MED17: variants seen among roughly 807,000 people sequenced by gnomAD.
MED17 encodes the protein mediator of RNA polymerase II transcription subunit 17.
Under a neutral mutation model 80.8 loss-of-function variants are expected in MED17, and 49 were observed. The ratio of observed to expected loss-of-function variants is 0.61; its 90% CI spans 0.48 to 0.77. MED17 has a LOEUF of 0.77. Ranked by LOEUF, MED17 falls within the 30% of genes least tolerant of loss-of-function variation. MED17 has a pLI of 0.00. For synonymous variants in MED17, 281 were observed against 280.4 expected (o/e 1.00, Z -0.02); for missense variants, 718 against 787.0 (o/e 0.91, Z 1.05).
At chr11:93,804,015 A>ACGTGTGTATATATG (rs1943995852) in intron 9 of MED17, among the ~76,000 whole-genome samples, 2 of 22,978 alleles carry the variant, frequency 8.7e-5, no homozygotes, top group Non-Finnish European at 2.5e-4. Flanking sequence ...ATATATATAT[A>ACGTGTGTATATATG]TATATATATA....
At chr11:93,796,160 C>T in intron 6 of MED17, 2 of 427,634 alleles carry the variant, frequency 4.7e-6, no homozygotes, top group South Asian at 4.2e-5. Flanking sequence ...ACTATGTTGG[C>T]CAGGATGGTC....
At chr11:93,792,881 C>T (rs748227907) in intron 3 of MED17, among the ~76,000 whole-genome samples, 4 of 152,000 alleles carry the variant, frequency 2.6e-5, no homozygotes, top group African/African-American at 7.3e-5. Flanking sequence ...TTTGAGGCTG[C>T]AGTGAGCTAT....
At chr11:93,809,181 A>G in intron 10 of MED17, 2 of 213,130 alleles carry the variant, frequency 9.4e-6, no homozygotes, top group South Asian at 8.3e-5. Context: ...CGTGTAGAAC[A>G]GTCCATCTTG....
intron 1 of MED17, 75 bp downstream of exon 1, chr11:93,784,838 A>G (rs890355393): frequency 1.3e-6 from 2 of 1,518,470 alleles, no homozygotes; most frequent in Non-Finnish European, 1.8e-6. Flanking sequence ...CTCTCCCGCG[A>G]TGGGGGTGAT....
intron 8 of MED17, 89 bp downstream of exon 8, chr11:93,797,808 T>C: frequency 8.1e-7 from 1 of 1,229,084 alleles, no homozygotes; most frequent in Non-Finnish European, 1.2e-6. Flanking sequence ...TTTGGGATGC[T>C]TTTGACTTTT....
At chr11:93,803,997 GTGTA>G (rs1943993603) in intron 9 of MED17, among the ~76,000 whole-genome samples, 1 of 7,834 alleles carries the variant, frequency 1.3e-4, no homozygotes, top group Admixed American at 1.1e-3. Flanking sequence ...ATATATGTGT[GTGTA>G]TATATATATA....
In MED17 at chr11:93,812,813, AAG is replaced by A. The variant is rs1342256026; in HGVS notation, c.*751_*752del. 1 of 152,278 alleles carries A rather than the reference AAG, an allele frequency of 6.6e-6. No homozygotes were observed. Among genetic ancestry groups the A allele is most frequent in the East Asian group, 1.9e-4 (1 of 5,192 alleles). 9.4% of individuals were successfully genotyped at this position (152,278 alleles called of 1,614,324 possible). A position where few individuals can be genotyped will look rare whatever the true frequency, so the allele number is the denominator to read the frequency against. ...TGGGTCTAACCTACATAGGTAATTTAAGAACATCCTCAGAAAGGACAGCTGAA... is the reference window on the plus strand; with the variant it reads ...TGGGTCTAACCTACATAGGTAATTTAAACATCCTCAGAAAGGACAGCTGAA... On this transcript the variant is annotated 3_prime_UTR_variant, in exon 12 of 12. Transcript: ENST00000251871.
chr11:93,794,550 A>C, intron 5 of MED17: 1 of 273,582 alleles, frequency 3.7e-6, no homozygotes, highest in South Asian at 4.5e-5. Context: ...AAGAAGTGAG[A>C]TTTTTATATT....
At chr11:93,790,484 T>G (rs878991589) in intron 2 of MED17, 90 bp from the exon 3 acceptor site, 1 of 1,193,450 alleles carries the variant, frequency 8.4e-7, no homozygotes, top group Non-Finnish European at 1.2e-6. Flanking sequence ...TTTTGCTTTT[T>G]GTTCACTTCA....
intron 3 of MED17, 147 bp downstream of exon 3, chr11:93,790,940 C>G: frequency 2.7e-6 from 2 of 733,864 alleles, no homozygotes; most frequent in Non-Finnish European, 4.5e-6. Flanking sequence ...AACCCTATCT[C>G]TACCAAAAAT....
chr11:93,799,513 G>A (rs66487029), intron 8 of MED17, among the ~76,000 whole-genome samples: 18,232 of 152,128 alleles, frequency 0.12, 1,162 homozygotes, highest in African/African-American at 0.16. Context: ...GGCTTGGTGT[G>A]GTGGCTCATG....
At chr11:93,785,462 C>T (rs1943759846) in intron 1 of MED17, among the ~76,000 whole-genome samples, 1 of 151,936 alleles carries the variant, frequency 6.6e-6, no homozygotes, top group African/African-American at 2.4e-5. Context: ...AATCAAAATT[C>T]TTAATTTAGT....
At chr11:93,807,467 G>A (rs376098304) in intron 9 of MED17, 51 bp from the exon 10 acceptor site, 1 of 952,104 alleles carries the variant, frequency 1.1e-6, no homozygotes, top group Non-Finnish European at 1.7e-6. Flanking sequence ...TTATGAAATT[G>A]TATAAGATAA....
At chr11:93,802,890 A>G (rs1943977631) in intron 9 of MED17, among the ~76,000 whole-genome samples, 2 of 152,224 alleles carry the variant, frequency 1.3e-5, no homozygotes, top group South Asian at 4.1e-4. Flanking sequence ...ATTGGCCAGT[A>G]GCCTTTAAGG....
Position 93,793,718 on chromosome 11 carries a change from A to G in MED17, c.638-10A>G. The stretch of plus-strand genomic sequence containing the variant: ...TGTTTTATATTTTCCTATTTTTAAT[A>G]CAACATTAGGATCTCTCTTTCCTCA... On this transcript the variant is annotated splice_polypyrimidine_tract_variant and intron_variant, in intron 3 of 11. Transcript: ENST00000251871. 1 of 1,532,806 alleles carries G rather than the reference A, an allele frequency of 6.5e-7. No homozygotes were observed. Among genetic ancestry groups the G allele is most frequent in the Non-Finnish European group, 9.0e-7 (1 of 1,108,462 alleles). 95.0% of individuals were successfully genotyped at this position (1,532,806 alleles called of 1,614,324 possible).
chr11:93,809,950 A>T, intron 11 of MED17, 74 bp downstream of exon 11: 2 of 1,436,054 alleles, frequency 1.4e-6, no homozygotes, highest in Non-Finnish European at 2.0e-6. Context: ...ATAATTAAAT[A>T]TGGGTAAGAG....
rs766730287 is a variant in MED17, at chr11:93,809,752, C to T, written c.1620C>T (p.Leu540=). The change falls in exon 11 of 12, where the codon CTC becomes CTT. Residue 540 remains leucine (L), a synonymous_variant. Transcript: ENST00000251871. ...SQHQVHAVQQ[L]AKVMGWQVLS... ...ACCAGGTACATGCAGTTCAGCAACT[C>T]GCCAAGGTTATGGGCTGGCAAGTAC... 13 of 1,614,158 alleles carry T rather than the reference C, an allele frequency of 8.1e-6. No homozygotes were observed. Among genetic ancestry groups the T allele is most frequent in the Middle Eastern group, 3.3e-4 (2 of 6,060 alleles).
chr11:93,810,821 C>G (rs1944079412), intron 11 of MED17: 2 of 152,246 alleles, frequency 1.3e-5, no homozygotes, highest in Non-Finnish European at 2.9e-5. Flanking sequence ...CTGATATCTG[C>G]TCTGACTACT....
At chr11:93,809,278 T>C (rs1944061431) in intron 10 of MED17, 4 of 301,066 alleles carry the variant, frequency 1.3e-5, no homozygotes, top group Non-Finnish European at 2.6e-5. Context: ...CTGACCTCAC[T>C]CTTCCCTGCC....
Sources: gnomAD v4.1 joint callset for allele counts (sites outside exome capture counted in the v4.1 genomes callset) on GRCh38, gnomAD v4.1.1 for gene constraint, MANE v1.5 for transcripts, NCBI Gene and HGNC (gene_info 2026-07-23, HGNC 2026-07-21) for gene names.